CMPK1: variants seen among roughly 807,000 people sequenced by gnomAD.
CMPK1 encodes cytidine/uridine monophosphate kinase 1.
CMPK1 carries 10 observed loss-of-function variants against 25.7 expected under a neutral mutation model. The observed-to-expected ratio is 0.39, with a 90% CI of 0.24 to 0.66. The LOEUF (loss-of-function observed/expected upper bound fraction) is 0.66, where lower values mean the gene tolerates loss of function less well. Ranked by LOEUF, CMPK1 falls within the 30% of genes least tolerant of loss-of-function variation. The pLI, the probability that CMPK1 is intolerant of heterozygous loss-of-function variation, is 0.48. For missense variants in CMPK1, 199 were observed against 280.5 expected (o/e 0.71, Z 2.08); for synonymous variants, 106 against 101.5 (o/e 1.04, Z -0.27).
At chr1:47,352,568 A>C (rs906472546) in intron 1 of CMPK1, among the ~76,000 whole-genome samples, 1 of 152,214 alleles carries the variant, frequency 6.6e-6, no homozygotes, top group South Asian at 2.1e-4. Flanking sequence ...GACCAGTTCA[A>C]GGGCATAATT....
chr1:47,351,369 G>A (rs1646521420), intron 1 of CMPK1, among the ~76,000 whole-genome samples: 1 of 152,130 alleles, frequency 6.6e-6, no homozygotes, highest in Non-Finnish European at 1.5e-5. Context: ...GTGAGCCACT[G>A]CGCCTGGCCC....
chr1:47,369,979 A>T (rs1385162048), intron 2 of CMPK1, among the ~76,000 whole-genome samples: 1 of 138,778 alleles, frequency 7.2e-6, no homozygotes, highest in Non-Finnish European at 1.5e-5. Context: ...CAGTGGCGTG[A>T]ACTCGGCTCA....
At position 47,368,558 on chromosome 1, in the gene CMPK1, G is replaced by T; in HGVS notation, c.261G>T (p.Lys87Asn). 6.2e-7 allele frequency: 1 copy of T among 1,612,152 alleles called. No homozygotes were observed. The highest frequency in any genetic ancestry group is 1.1e-5 in the South Asian group (1 of 90,680). Residue 87 changes from lysine to asparagine, a missense_variant, in exon 2 of 6, where the codon AAG (lysine) becomes AAT (asparagine). By Grantham distance (94) the Lys-to-Asn change is moderately conservative. Around this residue, in one of 2 missense-constraint regions of CMPK1, gnomAD observed 140 missense variants for 235.5 expected, o/e 0.59. Coordinates refer to ENST00000371873, the MANE Select transcript of CMPK1 (RefSeq NM_016308.3). ...CACAGTATGGTGAACTTATTGAAAA[G>T]TACATTAAAGAAGGAAAGATTGTAC... is the stretch of plus-strand genomic sequence containing the variant. ...PDSQYGELIE[K>N]YIKEGKIVPV...
At chr1:47,339,854 C>T (rs1646427166) in intron 1 of CMPK1, among the ~76,000 whole-genome samples, 1 of 151,726 alleles carries the variant, frequency 6.6e-6, no homozygotes, top group Non-Finnish European at 1.5e-5. Context: ...ATTACAGGCA[C>T]CCACCACAAC....
intron 1 of CMPK1, among the ~76,000 whole-genome samples, chr1:47,339,817 C>T (rs1269887528): frequency 6.7e-6 from 1 of 150,108 alleles, no homozygotes; most frequent in Non-Finnish European, 1.5e-5. Flanking sequence ...AAGCGATTCT[C>T]CTCCCTCAGC....
At chr1:47,344,085 G>A (rs558781175) in intron 1 of CMPK1, among the ~76,000 whole-genome samples, 6 of 150,192 alleles carry the variant, frequency 4.0e-5, no homozygotes, top group Admixed American at 2.0e-4. Flanking sequence ...AAAAAAAGAC[G>A]ACAGACCCTG....
chr1:47,372,765 T>C (rs1646684997), intron 2 of CMPK1, among the ~76,000 whole-genome samples, 190 bp from the exon 3 acceptor site: 1 of 152,018 alleles, frequency 6.6e-6, no homozygotes, highest in Non-Finnish European at 1.5e-5. Context: ...TCTTAATACA[T>C]TGATAGATTT....
chr1:47,355,507 G>T (rs1316570678), intron 1 of CMPK1, among the ~76,000 whole-genome samples: 1 of 151,788 alleles, frequency 6.6e-6, no homozygotes, highest in African/African-American at 2.4e-5. Flanking sequence ...TAGAGACGGG[G>T]TTTTAGCATA....
At chr1:47,339,063 T>TTTTTTA (rs1646420552) in intron 1 of CMPK1, among the ~76,000 whole-genome samples, 1 of 151,492 alleles carries the variant, frequency 6.6e-6, no homozygotes, top group African/African-American at 2.4e-5. Context: ...TTTTTTTTTT[T>TTTTTTA]GAGAGAGGGT....
chr1:47,348,939 A>G (rs774373378), intron 1 of CMPK1, among the ~76,000 whole-genome samples: 1 of 152,176 alleles, frequency 6.6e-6, no homozygotes, highest in Non-Finnish European at 1.5e-5. Context: ...CTTAATGGTT[A>G]ATTTAGGTTT....
At chr1:47,354,764 GAC>G (rs2149329374) in intron 1 of CMPK1, among the ~76,000 whole-genome samples, 1 of 152,200 alleles carries the variant, frequency 6.6e-6, no homozygotes, top group East Asian at 1.9e-4. Flanking sequence ...GTTTACAAAA[GAC>G]ACTGCTGTAA....
At chr1:47,365,633 C>CAAAAAAAAA (rs10623948) in intron 1 of CMPK1, among the ~76,000 whole-genome samples, 1,145 of 108,284 alleles carry the variant, frequency 0.011, 51 homozygotes, top group African/African-American at 0.035. Flanking sequence ...GACCCTGTCT[C>CAAAAAAAAA]AAAAAAAAAA....
At chr1:47,351,911 G>A (rs1378442839) in intron 1 of CMPK1, among the ~76,000 whole-genome samples, 1 of 151,990 alleles carries the variant, frequency 6.6e-6, no homozygotes, top group Non-Finnish European at 1.5e-5. Flanking sequence ...TAAGGCAGGT[G>A]GATCATTTGA....
intron 1 of CMPK1, among the ~76,000 whole-genome samples, chr1:47,351,600 G>T (rs1036344000): frequency 6.6e-6 from 1 of 152,156 alleles, no homozygotes; most frequent in African/African-American, 2.4e-5. Context: ...TATATACATA[G>T]AAATGGAATT....
At position 47,343,043 on chromosome 1, in the gene CMPK1, A is replaced by G. The variant is rs144903695; in HGVS notation, c.171+8927A>G. ...GCTCTGTCGCCCAGGCTAGAGTGCA[A>G]TGGCGTGATCTCTGCTCACTGCAAC... On this transcript the variant is annotated intron_variant, in intron 1 of 5. Transcript: ENST00000371873. Among the ~76,000 whole-genome samples the G allele has an allele frequency of 6.6e-3, 993 of 149,324 alleles. 11 individuals are homozygous for G. The highest frequency in any genetic ancestry group is 0.022 in the African/African-American group (911 of 40,624).
intron 1 of CMPK1, among the ~76,000 whole-genome samples, chr1:47,344,004 G>A (rs1368262714): frequency 6.6e-6 from 1 of 151,690 alleles, no homozygotes; most frequent in African/African-American, 2.4e-5. Context: ...AGAATTCAAG[G>A]CTGCAATAAG....
At chr1:47,361,288 C>CT (rs1285717718) in intron 1 of CMPK1, among the ~76,000 whole-genome samples, 1 of 152,180 alleles carries the variant, frequency 6.6e-6, no homozygotes, top group African/African-American at 2.4e-5. Context: ...ACTCTGGAGG[C>CT]TGAGACAGGA....
chr1:47,373,453 A>G (rs191062567), intron 3 of CMPK1: 3 of 159,032 alleles, frequency 1.9e-5, no homozygotes, highest in African/African-American at 7.2e-5. Flanking sequence ...GGTGTTGTTT[A>G]CTGGAAGAGA....
chr1:47,364,711 G>T (rs1170326948), intron 1 of CMPK1, among the ~76,000 whole-genome samples: 1 of 148,028 alleles, frequency 6.8e-6, no homozygotes, highest in African/African-American at 2.5e-5. Flanking sequence ...GATATAAATT[G>T]TATAATATAT....
Sources: allele counts gnomAD v4.1 joint callset (sites outside exome capture counted in the v4.1 genomes callset), GRCh38; gene constraint gnomAD v4.1.1; regional missense constraint gnomAD v4.1.1; transcripts MANE v1.5; gene names NCBI Gene and HGNC (gene_info 2026-07-23, HGNC 2026-07-21).